TTC28: variants seen among roughly 807,000 people sequenced by gnomAD.
TTC28 encodes tetratricopeptide repeat protein 28.
In TTC28, 61 loss-of-function variants were observed where a neutral mutation model predicts 198.0. That is an observed-to-expected ratio of 0.31 (90% confidence interval 0.25 to 0.38). TTC28 has a LOEUF of 0.38. Ranked by LOEUF, TTC28 falls within the 10% of genes least tolerant of loss-of-function variation. TTC28 has a pLI of 1.00. For missense variants in TTC28, 2,678 were observed against 3,164.0 expected, an observed-to-expected ratio of 0.85 and a Z score of 3.69; for synonymous variants, 1,171 against 1,297.8, an observed-to-expected ratio of 0.90 and a Z score of 2.10.
At chr22:28,164,527 C>T (rs1248225384) in intron 5 of TTC28, among the ~76,000 whole-genome samples, 1 of 152,220 alleles carries the variant, frequency 6.6e-6, no homozygotes, top group Non-Finnish European at 1.5e-5. Flanking sequence ...GATACCCAGG[C>T]AAACAGGGTC....
intron 2 of TTC28, among the ~76,000 whole-genome samples, chr22:28,520,056 T>C (rs893494670): frequency 2.0e-5 from 3 of 152,102 alleles, no homozygotes; most frequent in East Asian, 1.9e-4. Flanking sequence ...ATAAGACAAA[T>C]TGATTTACAC....
chr22:28,148,901 AACTTTACACT>A (rs1173632115), intron 6 of TTC28, among the ~76,000 whole-genome samples: 1 of 152,196 alleles, frequency 6.6e-6, no homozygotes, highest in African/African-American at 2.4e-5. Flanking sequence ...TAATTATTTG[AACTTTACACT>A]CCAGTTATAA....
At chr22:28,583,488 A>T (rs1221622147) in intron 2 of TTC28, among the ~76,000 whole-genome samples, 1 of 152,214 alleles carries the variant, frequency 6.6e-6, no homozygotes, top group Non-Finnish European at 1.5e-5. Context: ...GACAGAATGT[A>T]GTACTAAGAA....
At chr22:28,419,011 AGTCTGGAAATGT>A (rs993822347) in intron 2 of TTC28, among the ~76,000 whole-genome samples, 18 of 152,258 alleles carry the variant, frequency 1.2e-4, no homozygotes, top group Middle Eastern at 3.4e-3. Flanking sequence ...GTAGGAGCAG[AGTCTGGAAATGT>A]GTATTTTTTA....
At chr22:28,112,117 T>C (rs1942497535) in intron 6 of TTC28, among the ~76,000 whole-genome samples, 1 of 152,188 alleles carries the variant, frequency 6.6e-6, no homozygotes, top group African/African-American at 2.4e-5. Context: ...ATTTTGGCAA[T>C]TTTTGTTTTC....
intron 2 of TTC28, among the ~76,000 whole-genome samples, chr22:28,366,157 T>A (rs5752729): frequency 0.26 from 39,967 of 152,110 alleles, 6,575 homozygotes; most frequent in South Asian, 0.39. Context: ...CATTTAACTA[T>A]GTAAAGAAAC....
Position 28,030,245 on chromosome 22 carries a change from G to C in TTC28, c.4054C>G (p.Arg1352Gly). ...DPTGFLRMVR[R>G]NNLFNRSCQS... ...ACTCACCTGTTAAACAGGTTATTGC[G>C]GCGAACCATCCGCAGAAAGCCAGTG... Residue 1352 changes from arginine (R) to glycine (G), a missense_variant, in exon 13 of 23, where the codon CGC becomes GGC. Arg to Gly is a moderately radical substitution (Grantham distance 125, BLOSUM62 -2). Transcript: ENST00000397906. 1 of 1,551,682 alleles carries C rather than the reference G, an allele frequency of 6.4e-7. No homozygotes were observed. Among genetic ancestry groups the C allele is most frequent in the Non-Finnish European group, 8.7e-7 (1 of 1,146,990 alleles).
Position 28,675,943 on chromosome 22 carries a change from C to T in TTC28, c.102+3679G>A, listed in dbSNP as rs575582946. Among the ~76,000 whole-genome samples the T allele has an allele frequency of 1.1e-4, 17 of 152,074 alleles. 1 individual carries two copies. The highest frequency in any genetic ancestry group is 3.9e-4 in the African/African-American group (16 of 41,478). ...CTACAAAAAATTTTTAAATATTTGC[C>T]AGGTGTGGTGGCACGTGCCTGTAGT... On this transcript the variant is annotated intron_variant, in intron 1 of 22. Coordinates refer to ENST00000397906, the MANE Select transcript of TTC28 (RefSeq NM_001145418.2).
At chr22:28,087,668 C>T (rs1268677781) in intron 12 of TTC28, among the ~76,000 whole-genome samples, 6 of 152,112 alleles carry the variant, frequency 3.9e-5, no homozygotes, top group Non-Finnish European at 7.4e-5. Flanking sequence ...CCAGGGCAAT[C>T]AGGCAGGAGA....
chr22:28,231,297 G>A (rs941061205), intron 5 of TTC28, among the ~76,000 whole-genome samples: 1 of 152,126 alleles, frequency 6.6e-6, no homozygotes, highest in Non-Finnish European at 1.5e-5. Flanking sequence ...CTGAATACAC[G>A]GATAAGTTCT....
intron 2 of TTC28, among the ~76,000 whole-genome samples, chr22:28,571,750 GC>G (rs2050063042): frequency 6.6e-6 from 1 of 151,360 alleles, no homozygotes; most frequent in Non-Finnish European, 1.5e-5. Flanking sequence ...GGAGTTCGAG[GC>G]CAGCCTGACA....
intron 2 of TTC28, among the ~76,000 whole-genome samples, chr22:28,416,739 A>T (rs557429349): frequency 1.3e-5 from 2 of 152,316 alleles, no homozygotes; most frequent in African/African-American, 4.8e-5. Context: ...CAACACTGAA[A>T]CAAAAAGCTC....
At chr22:28,070,612 C>A (rs1601586157) in intron 12 of TTC28, among the ~76,000 whole-genome samples, 1 of 151,934 alleles carries the variant, frequency 6.6e-6, no homozygotes, top group African/African-American at 2.4e-5. Context: ...TGAAACTCCA[C>A]CTCTACAAAA....
Position 28,623,884 on chromosome 22 carries a change from A to G in TTC28, c.381+5668T>C, listed in dbSNP as rs182172649. ...ATGTCAAAATTTGTAAGATGCAGCAAAAACAGTGCTTAAAGAGAAATATTC... is the reference window on the plus strand; with the variant it reads ...ATGTCAAAATTTGTAAGATGCAGCAGAAACAGTGCTTAAAGAGAAATATTC... On this transcript the variant is annotated intron_variant, in intron 2 of 22. Transcript: ENST00000397906. Among the ~76,000 whole-genome samples the G allele has an allele frequency of 7.2e-5, 11 of 152,300 alleles. No individual in the cohort carries two copies. The East Asian group carries it at 2.1e-3, about 29-fold the overall frequency.
intron 2 of TTC28, among the ~76,000 whole-genome samples, chr22:28,400,820 T>C (rs761288323): frequency 6.6e-6 from 1 of 152,238 alleles, no homozygotes; most frequent in Non-Finnish European, 1.5e-5. Flanking sequence ...CACTTTTTAA[T>C]GCATTTCTAG....
chr22:28,365,711 C>G (rs2145974373), intron 2 of TTC28, among the ~76,000 whole-genome samples: 1 of 152,314 alleles, frequency 6.6e-6, no homozygotes, highest in East Asian at 1.9e-4. Context: ...CACATGTACA[C>G]ATGCATATTT....
intron 2 of TTC28, among the ~76,000 whole-genome samples, chr22:28,430,027 T>A (rs2047408284): frequency 6.8e-6 from 1 of 147,928 alleles, no homozygotes; most frequent in Non-Finnish European, 1.5e-5. Context: ...ACAAGGGCTC[T>A]GGAATATGAT....
chr22:28,221,950 T>C (rs1246796803), intron 5 of TTC28, among the ~76,000 whole-genome samples: 1 of 152,176 alleles, frequency 6.6e-6, no homozygotes, highest in East Asian at 1.9e-4. Flanking sequence ...TGGCTGGCAT[T>C]TAGTGGTTAC....
intron 14 of TTC28, chr22:28,001,912 G>C (rs1937713398): frequency 4.5e-6 from 1 of 219,958 alleles, no homozygotes. Context: ...AACAAGATCT[G>C]TTTTCCATTT....
Sources: allele counts gnomAD v4.1 joint callset (sites outside exome capture counted in the v4.1 genomes callset), GRCh38; gene constraint gnomAD v4.1.1; transcripts MANE v1.5; gene names NCBI Gene and HGNC (gene_info 2026-07-23, HGNC 2026-07-21).